The following JAZF1 variants were observed in gnomAD, a reference collection of about 807,000 sequenced individuals.
JAZF1 encodes the protein JAZF zinc finger 1.
JAZF1 carries 8 observed loss-of-function variants against 26.4 expected under a neutral mutation model. The ratio of observed to expected loss-of-function variants is 0.30; its 90% CI spans 0.18 to 0.55. JAZF1 has a LOEUF of 0.55. Ranked by LOEUF, JAZF1 falls within the 20% of genes least tolerant of loss-of-function variation. The pLI is 0.94. For missense variants in JAZF1, 199 were observed against 322.0 expected, an observed-to-expected ratio of 0.62 and a Z score of 2.92; for synonymous variants, 126 against 122.3, an observed-to-expected ratio of 1.03 and a Z score of -0.20.
At chr7:27,889,105 T>C (rs1360016544) in intron 3 of JAZF1, among the ~76,000 whole-genome samples, 2 of 152,196 alleles carry the variant, frequency 1.3e-5, no homozygotes. Context: ...AACAGTGGTT[T>C]CTTAACTCTG....
chr7:27,970,739 G>T (rs1785360226), intron 2 of JAZF1, among the ~76,000 whole-genome samples: 1 of 152,190 alleles, frequency 6.6e-6, no homozygotes, highest in African/African-American at 2.4e-5. Context: ...ACACATTAGT[G>T]TATCACAAGT....
intron 4 of JAZF1, among the ~76,000 whole-genome samples, chr7:27,837,140 ATTG>A (rs1320638625): frequency 3.3e-5 from 5 of 152,222 alleles, no homozygotes; most frequent in Admixed American, 1.3e-4. Flanking sequence ...GGGGCGGGGT[ATTG>A]TTCTGTGTAA....
chr7:28,006,488 A>G (rs770308722), intron 1 of JAZF1, among the ~76,000 whole-genome samples: 8 of 152,238 alleles, frequency 5.3e-5, no homozygotes, highest in African/African-American at 7.2e-5. Context: ...ACATTTGTGA[A>G]CAATCAATAG....
At chr7:27,896,473 GAACATTCC>G (rs1784064565) in intron 2 of JAZF1, among the ~76,000 whole-genome samples, 1 of 152,142 alleles carries the variant, frequency 6.6e-6, no homozygotes, top group Non-Finnish European at 1.5e-5. Flanking sequence ...CTAAGAAACA[GAACATTCC>G]ATGCCCCCCA....
intron 2 of JAZF1, among the ~76,000 whole-genome samples, chr7:27,918,682 G>A (rs536687305): frequency 5.9e-5 from 9 of 152,288 alleles, no homozygotes; most frequent in Non-Finnish European, 1.0e-4. Flanking sequence ...AAGTAGCCAC[G>A]TGCTTGCTTC....
intron 1 of JAZF1, among the ~76,000 whole-genome samples, chr7:28,133,670 C>T (rs1238498750): frequency 6.6e-6 from 1 of 152,134 alleles, no homozygotes; most frequent in Non-Finnish European, 1.5e-5. Context: ...TTATCATGGC[C>T]TCCCAGGACA....
At chr7:27,973,728 A>G (rs537251752) in intron 2 of JAZF1, among the ~76,000 whole-genome samples, 2 of 152,384 alleles carry the variant, frequency 1.3e-5, no homozygotes, top group African/African-American at 4.8e-5. Context: ...CACAGCCAGA[A>G]AGAAGTGGAG....
chr7:28,115,256 G>A (rs565068319), intron 1 of JAZF1, among the ~76,000 whole-genome samples: 3 of 152,206 alleles, frequency 2.0e-5, no homozygotes, highest in African/African-American at 7.2e-5. Flanking sequence ...AAAGACAAGT[G>A]AAATTAATTT....
At chr7:27,856,142 T>C (rs1641410188) in intron 3 of JAZF1, among the ~76,000 whole-genome samples, 1 of 152,182 alleles carries the variant, frequency 6.6e-6, no homozygotes, top group Non-Finnish European at 1.5e-5. Context: ...ACGTGGTGTG[T>C]CCGGAGTTTG....
chr7:28,140,578 C>T (rs1231624534), intron 1 of JAZF1, among the ~76,000 whole-genome samples: 1 of 151,856 alleles, frequency 6.6e-6, no homozygotes. Context: ...GGGGAGAGAA[C>T]ATGTATGCCC....
chr7:28,167,410 A>G (rs563572912), intron 1 of JAZF1, among the ~76,000 whole-genome samples: 1 of 152,346 alleles, frequency 6.6e-6, no homozygotes, highest in African/African-American at 2.4e-5. Context: ...AATGAGGCAC[A>G]GGGAGGTTCT....
chr7:27,966,178 C>T (rs1785272167), intron 2 of JAZF1, among the ~76,000 whole-genome samples: 1 of 152,228 alleles, frequency 6.6e-6, no homozygotes, highest in South Asian at 2.1e-4. Context: ...ATACATTCCA[C>T]AACTCTACAA....
intron 1 of JAZF1, among the ~76,000 whole-genome samples, chr7:28,040,759 C>T (rs186855460): frequency 7.3e-4 from 111 of 152,216 alleles, no homozygotes; most frequent in Non-Finnish European, 1.1e-3. Context: ...ATTCCATGAT[C>T]GCCCAGAGTT....
At chr7:28,000,893 A>G (rs1413241231) in intron 1 of JAZF1, among the ~76,000 whole-genome samples, 3 of 152,082 alleles carry the variant, frequency 2.0e-5, no homozygotes, top group African/African-American at 7.2e-5. Flanking sequence ...TGCTGGAATT[A>G]CAGGCATGAG....
intron 1 of JAZF1, among the ~76,000 whole-genome samples, chr7:28,141,102 TCA>T (rs1286661525): frequency 6.6e-6 from 1 of 152,152 alleles, no homozygotes; most frequent in East Asian, 1.9e-4. Flanking sequence ...GAACAAAATT[TCA>T]CAGACTCAAA....
At position 27,867,104 on chromosome 7, in the gene JAZF1, C is replaced by T. The variant is rs569597710; in HGVS notation, c.386-26237G>A. Among the ~76,000 whole-genome samples the T allele has an allele frequency of 2.0e-5, 3 of 152,228 alleles. No homozygotes were observed. The East Asian group carries it at 5.8e-4, about 29-fold the overall frequency. ...TTTGGTATGATGATTTCCTTCTTAACTGTGAAATAAAATGTGCTATATTTA... is the reference window on the plus strand; with the variant it reads ...TTTGGTATGATGATTTCCTTCTTAATTGTGAAATAAAATGTGCTATATTTA... On this transcript the variant is annotated intron_variant, in intron 3 of 4. Transcript: ENST00000283928.
rs1413785537 is a variant in JAZF1 at position 27,993,874 on chromosome 7, G to A, written c.116-1893C>T. On this transcript the variant is annotated intron_variant, in intron 1 of 4. Coordinates refer to ENST00000283928, the MANE Select transcript of JAZF1 (RefSeq NM_175061.4). ...TAAGGTGTATTATTTTGAAAGAAAAGGGCACCGTTAGGAGTCTAAAATTTG... is the reference window on the plus strand; with the variant it reads ...TAAGGTGTATTATTTTGAAAGAAAAAGGCACCGTTAGGAGTCTAAAATTTG... Among the ~76,000 whole-genome samples, 5 of 152,082 alleles carry A rather than the reference G, an allele frequency of 3.3e-5. No homozygotes were observed. The East Asian group carries it at 9.6e-4, about 29-fold the overall frequency.
At chr7:27,993,185 T>C (rs1785938717) in intron 1 of JAZF1, among the ~76,000 whole-genome samples, 1 of 152,224 alleles carries the variant, frequency 6.6e-6, no homozygotes, top group South Asian at 2.1e-4. Context: ...GGACACACTA[T>C]TCAGAAATCC....
intron 1 of JAZF1, among the ~76,000 whole-genome samples, chr7:28,136,882 T>C (rs1320069891): frequency 6.6e-6 from 1 of 152,120 alleles, no homozygotes; most frequent in East Asian, 1.9e-4. Context: ...CAGAGTGCGA[T>C]GGGTGGACAA....
Sources: gnomAD v4.1 joint callset for allele counts (sites outside exome capture counted in the v4.1 genomes callset) on GRCh38, gnomAD v4.1.1 for gene constraint, MANE v1.5 for transcripts, NCBI Gene and HGNC (gene_info 2026-07-23, HGNC 2026-07-21) for gene names.